The following DPH6 variants were observed in gnomAD, a reference collection of about 807,000 sequenced individuals.
DPH6 encodes the protein diphthine--ammonia ligase.
DPH6 carries 33 observed loss-of-function variants against 38.2 expected under a neutral mutation model. That is an observed-to-expected ratio of 0.86 (90% CI 0.65 to 1.15). The LOEUF is 1.15. Ranked by LOEUF, DPH6 falls within the 50% of genes most tolerant of loss-of-function variation. The pLI, the probability that DPH6 is intolerant of heterozygous loss-of-function variation, is 0.00. For missense variants in DPH6, 325 were observed against 320.0 expected (o/e 1.02, Z -0.12); for synonymous variants, 108 against 103.0 (o/e 1.05, Z -0.30).
intron 3 of DPH6, chr15:35,521,748 C>T (rs1335658556): frequency 8.1e-6 from 10 of 1,232,158 alleles, no homozygotes; most frequent in East Asian, 6.3e-5. Context: ...TGATTGTGAG[C>T]AATAGCTGCT....
At chr15:35,516,039 C>A (rs2054842239) in intron 3 of DPH6, among the ~76,000 whole-genome samples, 1 of 152,102 alleles carries the variant, frequency 6.6e-6, no homozygotes, top group Non-Finnish European at 1.5e-5. Flanking sequence ...TTAATTCTTA[C>A]CTCGTATCAA....
intron 3 of DPH6, among the ~76,000 whole-genome samples, chr15:35,286,550 T>C (rs1167503379): frequency 1.3e-5 from 2 of 152,226 alleles, no homozygotes; most frequent in African/African-American, 2.4e-5. Flanking sequence ...GAATAAATAG[T>C]TCATAAGACA....
chr15:35,464,521 T>C (rs7183190), intron 3 of DPH6, among the ~76,000 whole-genome samples: 5,281 of 152,268 alleles, frequency 0.035, 303 homozygotes, highest in African/African-American at 0.12. Flanking sequence ...ACATCTTCCC[T>C]AAAATAGCAT....
At chr15:35,282,858 T>C (rs2051908529) in intron 3 of DPH6, 1 of 341,422 alleles carries the variant, frequency 2.9e-6, no homozygotes, top group African/African-American at 2.2e-5. Flanking sequence ...TGGGCCAGCT[T>C]AAGGTGGATG....
Position 35,538,278 on chromosome 15 carries a change from A to C in DPH6, c.308T>G (p.Val103Gly), listed in dbSNP as rs370450320. The C allele has an allele frequency of 6.5e-7, 1 of 1,534,988 alleles. No individual in the cohort carries two copies. The highest frequency in any genetic ancestry group is 8.9e-7 in the Non-Finnish European group (1 of 1,124,836). ...TTAATTGGTTACTCTGCATACCTTA[A>C]CAAGTTTCAAAAGCTCATAGAGATC... ...VEDLYELLKL[V>G]KEKEEVEGIS... The change falls in exon 3 of 9, where the codon GTT (valine) becomes GGT (glycine). Residue 103 changes from valine (V) to glycine (G), a missense_variant. By Grantham distance (109) the Val-to-Gly change is moderately radical (BLOSUM62 -3). Coordinates refer to ENST00000256538, the MANE Select transcript of DPH6 (RefSeq NM_080650.4).
chr15:35,207,706 G>A, the DPH6 span, among the ~76,000 whole-genome samples: 2 of 152,146 alleles, frequency 1.3e-5, no homozygotes, highest in Non-Finnish European at 2.9e-5. Context: ...TTGCAATACA[G>A]TCTATAGATT....
intron 3 of DPH6, among the ~76,000 whole-genome samples, chr15:35,303,908 G>A (rs888979012): frequency 2.0e-5 from 3 of 151,652 alleles, no homozygotes; most frequent in Admixed American, 6.6e-5. Context: ...TAGGTAAGCC[G>A]TGATTATATT....
intron 3 of DPH6, among the ~76,000 whole-genome samples, chr15:35,480,392 G>T (rs892240483): frequency 6.6e-6 from 1 of 151,980 alleles, no homozygotes; most frequent in African/African-American, 2.4e-5. Flanking sequence ...TTTTAAAACT[G>T]AATTTCACCA....
chr15:35,213,811 A>G (rs2051398583), downstream of DPH6, among the ~76,000 whole-genome samples: 1 of 152,214 alleles, frequency 6.6e-6, no homozygotes, highest in South Asian at 2.1e-4. Context: ...GGTGAAATAC[A>G]CAATAAAGCT....
intron 3 of DPH6, among the ~76,000 whole-genome samples, chr15:35,262,155 T>C (rs1366379941): frequency 6.6e-6 from 1 of 152,198 alleles, no homozygotes. Context: ...ACTTTATATA[T>C]AGTTATACTT....
the DPH6 span, among the ~76,000 whole-genome samples, chr15:35,181,342 C>T: frequency 6.6e-6 from 1 of 151,428 alleles, no homozygotes; most frequent in African/African-American, 2.4e-5. Context: ...AAACTTTTCA[C>T]TTTGTTTTAG....
intron 5 of DPH6, among the ~76,000 whole-genome samples, chr15:35,447,441 C>T (rs562707405): frequency 6.6e-6 from 1 of 152,262 alleles, no homozygotes; most frequent in Admixed American, 6.5e-5. Context: ...ATACGTCCCC[C>T]CCCGCCATTT....
At chr15:35,397,295 G>A (rs1489080071) in intron 6 of DPH6, among the ~76,000 whole-genome samples, 1 of 152,168 alleles carries the variant, frequency 6.6e-6, no homozygotes, top group East Asian at 1.9e-4. Context: ...GGCTTAGAAA[G>A]AGCAACTAAA....
At position 35,505,265 on chromosome 15, in the gene DPH6, G is replaced by A. The variant is rs974556073; in HGVS notation, c.312+33009C>T. Among the ~76,000 whole-genome samples, 3 of 152,028 alleles carry A rather than the reference G, an allele frequency of 2.0e-5. No individual in the cohort carries two copies. The South Asian group carries it at 6.2e-4, about 32-fold the overall frequency. On this transcript the variant is annotated intron_variant, in intron 3 of 8. Coordinates refer to ENST00000256538, the MANE Select transcript of DPH6 (RefSeq NM_080650.4). Reference sequence around the variant, plus strand: ...ATTAACTAGATCTTTAAAGAAAAATGCAACCAGAAAGCAGTGTGATTTCTA... The same window carrying A: ...ATTAACTAGATCTTTAAAGAAAAATACAACCAGAAAGCAGTGTGATTTCTA...
the DPH6 span, among the ~76,000 whole-genome samples, chr15:35,185,802 G>A: frequency 7.0e-6 from 1 of 142,904 alleles, no homozygotes; most frequent in Non-Finnish European, 1.5e-5. Context: ...TCAGCTCATC[G>A]GCTCACTGCA....
At chr15:35,248,366 C>T (rs998339930) in intron 3 of DPH6, among the ~76,000 whole-genome samples, 2 of 152,182 alleles carry the variant, frequency 1.3e-5, no homozygotes, top group African/African-American at 2.4e-5. Context: ...TATTTGACCA[C>T]TTTGTTTGAT....
downstream of DPH6, among the ~76,000 whole-genome samples, chr15:35,368,562 T>A (rs971517675): frequency 6.6e-6 from 1 of 151,646 alleles, no homozygotes; most frequent in African/African-American, 2.4e-5. Flanking sequence ...TGTCCAAGAG[T>A]TGGGTAAGAT....
intron 3 of DPH6, among the ~76,000 whole-genome samples, chr15:35,355,171 ATG>A (rs2052549037): frequency 6.6e-6 from 1 of 152,028 alleles, no homozygotes; most frequent in Admixed American, 6.6e-5. Context: ...CTTTGAGCCT[ATG>A]TGTGTCTCTG....
At chr15:35,321,629 T>C (rs1386772838) in intron 3 of DPH6, among the ~76,000 whole-genome samples, 1 of 152,198 alleles carries the variant, frequency 6.6e-6, no homozygotes, top group Non-Finnish European at 1.5e-5. Flanking sequence ...TATTCTTGAT[T>C]TGTGCTCTTT....
Sources: gnomAD v4.1 joint callset for allele counts (sites outside exome capture counted in the v4.1 genomes callset) on GRCh38, gnomAD v4.1.1 for gene constraint, MANE v1.5 for transcripts, NCBI Gene and HGNC (gene_info 2026-07-23, HGNC 2026-07-21) for gene names.